Variants in ANKRD24 observed in about 807,000 individuals in gnomAD.
ANKRD24 encodes ankyrin repeat domain 24, also known as ankyrin repeat domain-containing protein 24.
In ANKRD24, 109 loss-of-function variants were observed where a neutral mutation model predicts 127.8. The observed-to-expected ratio is 0.85, with a 90% CI of 0.73 to 1.00. The LOEUF is 1.00. Among genes scored for constraint, ANKRD24 ranks in the 50% least tolerant of loss-of-function variants. The pLI, the probability that ANKRD24 is intolerant of heterozygous loss-of-function variation, is 0.00. For missense variants in ANKRD24, 1,648 were observed against 1,570.2 expected (o/e 1.05, Z -0.84); for synonymous variants, 743 against 671.1 (o/e 1.11, Z -1.66).
rs549756330 is a variant in ANKRD24 at position 4,199,844 on chromosome 19, T to G, written c.124-31T>G. 3.2e-6 allele frequency: 5 copies of G among 1,550,390 alleles called. No individual in the cohort carries two copies. The highest frequency in any genetic ancestry group is 4.4e-6 in the Non-Finnish European group (5 of 1,146,612). On this transcript the variant is annotated intron_variant, in intron 3 of 21. Transcript: ENST00000318934. The surrounding 1 kb of genome is among the most constrained non-coding windows in gnomAD (Gnocchi z 5.2). ...GTGGGGAGGGGACAGCAGCCAACACTGCCCCACGCACTTCTGGGCGTGCCC... is the reference window on the plus strand; with the variant it reads ...GTGGGGAGGGGACAGCAGCCAACACGGCCCCACGCACTTCTGGGCGTGCCC...
rs540620277 is a variant in ANKRD24 at position 4,195,294 on chromosome 19, G to A, written c.37-4389G>A. Among the ~76,000 whole-genome samples, 6 of 151,608 alleles carry A rather than the reference G, an allele frequency of 4.0e-5. No individual in the cohort carries two copies. Among genetic ancestry groups the A allele is most frequent in the African/African-American group, 1.2e-4 (5 of 41,342 alleles). On this transcript the variant is annotated intron_variant, in intron 2 of 21. Coordinates refer to ENST00000318934, the MANE Select transcript of ANKRD24 (RefSeq NM_001393985.1). The surrounding 1 kb of genome is among the most constrained non-coding windows in gnomAD (Gnocchi z 4.2). Reference sequence around the variant, plus strand: ...TTGCCACGTTGGTCAGGCTGGTCTCGAACTCCCCATCTCAGGTGATCTGCC... The same window carrying A: ...TTGCCACGTTGGTCAGGCTGGTCTCAAACTCCCCATCTCAGGTGATCTGCC...
chr19:4,189,299 G>T (rs1467678812), intron 2 of ANKRD24, among the ~76,000 whole-genome samples: 1 of 128,316 alleles, frequency 7.8e-6, no homozygotes, highest in Non-Finnish European at 1.6e-5. Flanking sequence ...AGGCTGGAGT[G>T]CAGTGTTGTG....
In ANKRD24 at chr19:4,219,761, G is replaced by A; in HGVS notation, c.3171+3G>A. 2 of 1,596,954 alleles carry A rather than the reference G, an allele frequency of 1.3e-6. No homozygotes were observed. The highest frequency in any genetic ancestry group is 1.7e-6 in the Non-Finnish European group (2 of 1,170,450). On this transcript the variant is annotated splice_donor_region_variant and intron_variant, in intron 19 of 21. Coordinates refer to ENST00000318934, the MANE Select transcript of ANKRD24 (RefSeq NM_001393985.1). ...AGGCCAAGGAGAAGGACAAGAAGGT[G>A]GGTGCCCCCTCTCCCACACTCAGTC...
Position 4,224,565 on chromosome 19 carries a change from A to G in ANKRD24, c.*60A>G. ...CCACGCAGGGACCTCACCCCCCTGC[A>G]GGCCCCTTGCAGACCGGCTTCACTT... On this transcript the variant is annotated 3_prime_UTR_variant, in exon 22 of 22. Coordinates refer to ENST00000318934, the MANE Select transcript of ANKRD24 (RefSeq NM_001393985.1). 8.1e-6 allele frequency: 12 copies of G among 1,483,334 alleles called. No homozygotes were observed. Among genetic ancestry groups the G allele is most frequent in the Non-Finnish European group, 1.1e-5 (12 of 1,083,186 alleles). 91.9% of individuals were successfully genotyped at this position (1,483,334 alleles called of 1,614,324 possible).
chr19:4,193,845 G>GAGGGAGGGAGGGAGGGAGGGAGGGAGGGA lies in ANKRD24; in HGVS notation c.37-5835_37-5834insGAGGGAGGGAGGGAGGGAGGGAGGGAAGG, dbSNP rs573649233. Among the ~76,000 whole-genome samples, 135 of 40,602 alleles carry GAGGGAGGGAGGGAGGGAGGGAGGGAGGGA rather than the reference G, an allele frequency of 3.3e-3. 22 individuals carry two copies. The highest frequency in any genetic ancestry group is 0.011 in the African/African-American group (87 of 7,782). 26.6% of individuals were successfully genotyped at this position (40,602 alleles called of 152,430 possible). A position where few individuals can be genotyped will look rare whatever the true frequency, so the allele number is the denominator to read the frequency against. On this transcript the variant is annotated intron_variant, in intron 2 of 21. Transcript: ENST00000318934. ...GAGCGAGACTCCGTCGGGAGGGAGG[G>GAGGGAGGGAGGGAGGGAGGGAGGGAGGGA]AGGAAGGAAGGAAGGAAGGAAGGAA...
chr19:4,197,942 T>G (rs1281279414), intron 2 of ANKRD24, among the ~76,000 whole-genome samples: 1 of 152,124 alleles, frequency 6.6e-6, no homozygotes, highest in Non-Finnish European at 1.5e-5. Context: ...AGTGAACGAA[T>G]GAATGAATGG....
chr19:4,211,190 T>A lies in ANKRD24; in HGVS notation c.1059+818T>A, dbSNP rs139105117. On this transcript the variant is annotated intron_variant, in intron 13 of 21. Transcript: ENST00000318934. ...TGGGCATGCATCTGTTTTATGTGTGTCCACCCATTTGACTGTGAGCCTGCG... is the reference window on the plus strand; with the variant it reads ...TGGGCATGCATCTGTTTTATGTGTGACCACCCATTTGACTGTGAGCCTGCG... Among the ~76,000 whole-genome samples, 405 of 152,318 alleles carry A rather than the reference T, an allele frequency of 2.7e-3. 3 individuals carry two copies. Among genetic ancestry groups the A allele is most frequent in the African/African-American group, 9.4e-3 (392 of 41,576 alleles).
rs1246999997 is a variant in ANKRD24 at position 4,210,347 on chromosome 19, A to C, written c.1034A>C (p.Gln345Pro). The change falls in exon 13 of 22, where the codon CAG (glutamine) becomes CCG (proline). Residue 345 changes from glutamine (Q) to proline (P), a missense_variant. Coordinates refer to ENST00000318934, the MANE Select transcript of ANKRD24 (RefSeq NM_001393985.1). Reference sequence around the variant, plus strand: ...CTGCAGAAGATCCGGGGCCTGGAACAGCACAAGGAACGGAGGCAGCAGGAG... The same window carrying C: ...CTGCAGAAGATCCGGGGCCTGGAACCGCACAAGGAACGGAGGCAGCAGGAG... Reference protein sequence around the residue: ...RLLQKIRGLEQHKERRQQESP... With the variant: ...RLLQKIRGLEPHKERRQQESP... 1.9e-6 allele frequency: 3 copies of C among 1,570,568 alleles called. No homozygotes were observed. Among genetic ancestry groups the C allele is most frequent in the Non-Finnish European group, 2.6e-6 (3 of 1,158,450 alleles).
chr19:4,224,137 G>A lies in ANKRD24; in HGVS notation c.3308G>A (p.Arg1103Lys). 1 of 1,612,850 alleles carries A rather than the reference G, an allele frequency of 6.2e-7. No individual in the cohort carries two copies. The highest frequency in any genetic ancestry group is 8.5e-7 in the Non-Finnish European group (1 of 1,179,698). The change falls in exon 21 of 22, where the codon AGG becomes AAG. Residue 1103 changes from arginine to lysine, a missense_variant. Transcript: ENST00000318934. Reference sequence around the variant, plus strand: ...TCCTCATGCCCACAGGAAGCTGCCAGGGACCACTCCAGCGTGGTGGCTTTG... The same window carrying A: ...TCCTCATGCCCACAGGAAGCTGCCAAGGACCACTCCAGCGTGGTGGCTTTG... ...DLQQQLQEAARDHSSVVALYR... is the reference protein window; with the variant it reads ...DLQQQLQEAAKDHSSVVALYR...
At chr19:4,197,584 A>C (rs931532419) in intron 2 of ANKRD24, among the ~76,000 whole-genome samples, 1 of 152,094 alleles carries the variant, frequency 6.6e-6, no homozygotes. Context: ...GAATGAACAA[A>C]TGGGTGAGAC....
At chr19:4,192,567 T>C (rs1968446361) in intron 2 of ANKRD24, among the ~76,000 whole-genome samples, 1 of 151,804 alleles carries the variant, frequency 6.6e-6, no homozygotes, top group African/African-American at 2.4e-5. Context: ...TGGTCCTGCA[T>C]GGAATACAGC....
intron 7 of ANKRD24, among the ~76,000 whole-genome samples, chr19:4,204,275 T>C (rs1239105094): frequency 1.3e-5 from 2 of 152,158 alleles, no homozygotes; most frequent in Non-Finnish European, 2.9e-5. Context: ...TCTCCTTTTT[T>C]ATTACCTACT....
intron 11 of ANKRD24, 49 bp from the exon 12 acceptor site, chr19:4,210,009 C>A (rs772566286): frequency 8.8e-7 from 1 of 1,138,220 alleles, no homozygotes; most frequent in Non-Finnish European, 1.3e-6. Flanking sequence ...GGGAGGCTGG[C>A]ATGGCCCCCC....
chr19:4,212,329 ATGAG>A (rs1440406901), intron 13 of ANKRD24, 142 bp from the exon 14 acceptor site: 6 of 893,172 alleles, frequency 6.7e-6, no homozygotes, highest in African/African-American at 3.4e-5. Flanking sequence ...CTCAATAGTA[ATGAG>A]TGAGCGGGCA....
intron 1 of ANKRD24, chr19:4,183,413 C>G (rs1361367185): frequency 1.1e-6 from 1 of 916,466 alleles, no homozygotes; most frequent in Non-Finnish European, 1.3e-6. Flanking sequence ...ACTGGGCACA[C>G]TGGAGAGCAA....
At chr19:4,200,772 C>T (rs1969055194) in intron 5 of ANKRD24, among the ~76,000 whole-genome samples, 1 of 152,082 alleles carries the variant, frequency 6.6e-6, no homozygotes, top group Non-Finnish European at 1.5e-5. Context: ...ATCCTTCCAC[C>T]TCAGACTCCC....
rs352495 is a variant in ANKRD24 at position 4,186,232 on chromosome 19, C to T, written c.-36-158C>T. On this transcript the variant is annotated intron_variant, in intron 1 of 21. Transcript: ENST00000318934. ...AGGGCAAGTAAACTGCCAAAGGACA[C>T]ACAGCAGGTAGGAGATAGAGCAGGT... 7.0e-3 allele frequency: 9,937 copies of T among 1,415,784 alleles called. 38 individuals are homozygous for T. The highest frequency in any genetic ancestry group is 0.016 in the Middle Eastern group (60 of 3,808). 87.7% of individuals were successfully genotyped at this position (1,415,784 alleles called of 1,614,324 possible).
chr19:4,183,951 A>G (rs1247979721), intron 1 of ANKRD24, among the ~76,000 whole-genome samples: 1 of 152,212 alleles, frequency 6.6e-6, no homozygotes, highest in Non-Finnish European at 1.5e-5. Flanking sequence ...TGAGTCAGGT[A>G]GAGCCGGTTG....
In ANKRD24 at chr19:4,202,880, G is replaced by A; in HGVS notation, c.420G>A (p.Val140=). ...CLKQLLQASC[V]VDVVDSSGWT... ...CGCCCCATCCCCAGGCTTCCTGCGT[G>A]GTGGACGTCGTGGACAGCAGCGGGT... is the stretch of plus-strand genomic sequence containing the variant. Residue 140 remains valine, a synonymous_variant, in exon 7 of 22, where the codon GTG becomes GTA. Transcript: ENST00000318934. The A allele has an allele frequency of 6.3e-7, 1 of 1,590,644 alleles. No homozygotes were observed. The highest frequency in any genetic ancestry group is 8.6e-7 in the Non-Finnish European group (1 of 1,168,830).
Sources: gnomAD v4.1 joint callset for allele counts (sites outside exome capture counted in the v4.1 genomes callset) on GRCh38, gnomAD v4.1.1 for gene constraint, Gnocchi (gnomAD v3.1) non-coding constraint, MANE v1.5 for transcripts, NCBI Gene and HGNC (gene_info 2026-07-23, HGNC 2026-07-21) for gene names.